The following RBFOX1 variants were observed in gnomAD, a reference collection of about 807,000 sequenced individuals.
The protein encoded by RBFOX1 is RNA binding protein fox-1 homolog 1.
RBFOX1 carries 8 observed loss-of-function variants against 57.7 expected under a neutral mutation model. The ratio of observed to expected loss-of-function variants is 0.14; its 90% CI spans 0.08 to 0.25. The LOEUF (loss-of-function observed/expected upper bound fraction) is 0.25, where lower values mean the gene tolerates loss of function less well. RBFOX1 is among the 10% of genes least tolerant of loss of function. The pLI is 1.00. For missense variants in RBFOX1, 611 were observed against 548.5 expected, an observed-to-expected ratio of 1.11 and a Z score of -1.14; for synonymous variants, 326 against 222.4, an observed-to-expected ratio of 1.47 and a Z score of -4.15.
chr16:5,603,704 A>T (rs1044884853), downstream of RBFOX1, among the ~76,000 whole-genome samples: 1 of 152,206 alleles, frequency 6.6e-6, no homozygotes, highest in Non-Finnish European at 1.5e-5. Context: ...TTGAGGTGGC[A>T]TGGTGGATGA....
chr16:6,977,486 C>T (rs934777855), intron 3 of RBFOX1, among the ~76,000 whole-genome samples: 1 of 151,966 alleles, frequency 6.6e-6, no homozygotes, highest in South Asian at 2.1e-4. Context: ...AGAATGCAGC[C>T]CAGCAAGTCC....
At chr16:5,271,136 T>A (rs1210223373) in intron 1 of RBFOX1, among the ~76,000 whole-genome samples, 1 of 152,038 alleles carries the variant, frequency 6.6e-6, no homozygotes, top group African/African-American at 2.4e-5. Context: ...TGAGCCAAGA[T>A]TGCATCATTG....
intron 3 of RBFOX1, among the ~76,000 whole-genome samples, chr16:5,756,223 C>CA (rs5815266): frequency 0.3 from 15,366 of 50,484 alleles, 1,674 homozygotes; most frequent in East Asian, 0.52. Flanking sequence ...TCCACATAAG[C>CA]AAAAAAAAAA....
chr16:6,641,418 G>A (rs751976003), intron 2 of RBFOX1, among the ~76,000 whole-genome samples: 1 of 152,158 alleles, frequency 6.6e-6, no homozygotes, highest in Non-Finnish European at 1.5e-5. Context: ...TGCTGGTGAT[G>A]CAGACACTCA....
chr16:6,958,591 T>C (rs2082329436), intron 3 of RBFOX1, among the ~76,000 whole-genome samples: 2 of 152,310 alleles, frequency 1.3e-5, no homozygotes, highest in African/African-American at 2.4e-5. Flanking sequence ...AATATTTCCT[T>C]TCAACAATGG....
At chr16:7,601,114 T>G (rs769737075) in intron 9 of RBFOX1, among the ~76,000 whole-genome samples, 10 of 152,296 alleles carry the variant, frequency 6.6e-5, no homozygotes, top group Non-Finnish European at 1.5e-4. Flanking sequence ...GCTTTTTCAT[T>G]TTCTTAGAGA....
intron 1 of RBFOX1, among the ~76,000 whole-genome samples, chr16:6,285,354 C>T (rs182411660): frequency 2.0e-5 from 3 of 152,128 alleles, no homozygotes; most frequent in East Asian, 1.9e-4. Flanking sequence ...ATTCTGAGGG[C>T]GTGTGAACTG....
At chr16:6,497,617 C>A (rs143846402) in intron 2 of RBFOX1, among the ~76,000 whole-genome samples, 3 of 151,856 alleles carry the variant, frequency 2.0e-5, no homozygotes, top group African/African-American at 7.2e-5. Flanking sequence ...ACTGCAGTGG[C>A]GCGATCTTGG....
At chr16:5,610,727 G>T (rs1391852617) in intron 3 of RBFOX1, 1 of 151,958 alleles carries the variant, frequency 6.6e-6, no homozygotes, top group Non-Finnish European at 1.5e-5. Flanking sequence ...AAATTTAATG[G>T]CGTGGTAGCA....
At chr16:7,403,604 T>A (rs1243048042) in intron 4 of RBFOX1, among the ~76,000 whole-genome samples, 1 of 130,388 alleles carries the variant, frequency 7.7e-6, no homozygotes, top group Admixed American at 8.6e-5. Context: ...TGGAGTGCAA[T>A]GGCACAATCT....
At chr16:6,002,447 T>G (rs1381973577) in intron 4 of RBFOX1, among the ~76,000 whole-genome samples, 2 of 152,226 alleles carry the variant, frequency 1.3e-5, no homozygotes, top group Non-Finnish European at 2.9e-5. Context: ...CCACATGGCA[T>G]GCACCTTTGC....
chr16:6,127,593 T>A (rs556182058), intron 1 of RBFOX1, among the ~76,000 whole-genome samples: 1 of 152,298 alleles, frequency 6.6e-6, no homozygotes, highest in East Asian at 1.9e-4. Context: ...AAGATTCATG[T>A]GGGACCTTTT....
intron 2 of RBFOX1, among the ~76,000 whole-genome samples, chr16:6,410,600 C>G (rs1194547904): frequency 6.6e-6 from 1 of 152,078 alleles, no homozygotes; most frequent in East Asian, 1.9e-4. Context: ...TGTGAGCCAC[C>G]GCGCACCTTC....
At chr16:6,223,272 C>T (rs899014028) in intron 1 of RBFOX1, among the ~76,000 whole-genome samples, 1 of 151,124 alleles carries the variant, frequency 6.6e-6, no homozygotes, top group Non-Finnish European at 1.5e-5. Context: ...TGAGGAATCG[C>T]CACACTGACT....
At chr16:6,082,711 C>T (rs2096022337) in intron 1 of RBFOX1, among the ~76,000 whole-genome samples, 1 of 152,080 alleles carries the variant, frequency 6.6e-6, no homozygotes, top group Non-Finnish European at 1.5e-5. Flanking sequence ...GGACAATGTT[C>T]TCTGAGCACA....
chr16:6,019,484 C>A lies in RBFOX1; in HGVS notation c.-635C>A, dbSNP rs1461249660. 1 of 1,008,544 alleles carries A rather than the reference C, an allele frequency of 9.9e-7. No individual in the cohort carries two copies. The highest frequency in any genetic ancestry group is 4.6e-5 in the South Asian group (1 of 21,558). 62.5% of individuals were successfully genotyped at this position (1,008,544 alleles called of 1,614,324 possible). A position where few individuals can be genotyped will look rare whatever the true frequency, so the allele number is the denominator to read the frequency against. On this transcript the variant is annotated 5_prime_UTR_variant, in exon 1 of 16. Coordinates refer to ENST00000550418, the MANE Select transcript of RBFOX1 (RefSeq NM_018723.4). This position sits in a 1 kb window ranked among gnomAD's most constrained non-coding sequence, Gnocchi z 4.2. Reference sequence around the variant, plus strand: ...TCGCGGAGGGGAATCCCTCCCCCTCCGCCCCAGCCCCCCAGCAGCACCCGC... The same window carrying A: ...TCGCGGAGGGGAATCCCTCCCCCTCAGCCCCAGCCCCCCAGCAGCACCCGC...
intron 11 of RBFOX1, among the ~76,000 whole-genome samples, chr16:7,634,849 A>AACTT (rs2061515079): frequency 6.6e-6 from 1 of 152,194 alleles, no homozygotes; most frequent in African/African-American, 2.4e-5. Flanking sequence ...CTTTCTATGA[A>AACTT]ACTTAAATGA....
intron 2 of RBFOX1, among the ~76,000 whole-genome samples, chr16:6,578,878 G>A (rs902833487): frequency 6.6e-6 from 1 of 151,860 alleles, no homozygotes; most frequent in Admixed American, 6.6e-5. Flanking sequence ...GGACTTTGGG[G>A]ACTTGGGGGA....
chr16:6,967,166 T>A (rs981142859), intron 3 of RBFOX1, among the ~76,000 whole-genome samples: 14 of 152,152 alleles, frequency 9.2e-5, no homozygotes, highest in Non-Finnish European at 8.8e-5. Flanking sequence ...TCCATGTGTT[T>A]GTACATTCAC....
Sources: allele counts gnomAD v4.1 joint callset (sites outside exome capture counted in the v4.1 genomes callset), GRCh38; gene constraint gnomAD v4.1.1; non-coding constraint Gnocchi (gnomAD v3.1); transcripts MANE v1.5; gene names NCBI Gene and HGNC (gene_info 2026-07-23, HGNC 2026-07-21).